The following PDE1C variants were observed in gnomAD, a reference collection of about 807,000 sequenced individuals.
PDE1C encodes the protein dual specificity calcium/calmodulin-dependent 3',5'-cyclic nucleotide phosphodiesterase 1C.
A neutral mutation model predicts 93.1 loss-of-function variants in PDE1C; 62 were observed. The observed-to-expected ratio is 0.67, with a 90% CI of 0.54 to 0.82. PDE1C has a LOEUF of 0.82. PDE1C is among the 40% of genes least tolerant of loss of function. The pLI is 0.00. For synonymous variants in PDE1C, 325 were observed against 310.1 expected, an observed-to-expected ratio of 1.05 and a Z score of -0.50; for missense variants, 742 against 884.6, an observed-to-expected ratio of 0.84 and a Z score of 2.04.
the PDE1C span, chr7:31,656,587 T>A: frequency 1.7e-6 from 1 of 587,642 alleles, no homozygotes; most frequent in Non-Finnish European, 2.1e-6. Flanking sequence ...GATGAATGAA[T>A]GAGATGAGGA....
At chr7:32,278,024 G>A (rs1237300927) in intron 1 of PDE1C, among the ~76,000 whole-genome samples, 5 of 150,884 alleles carry the variant, frequency 3.3e-5, no homozygotes, top group African/African-American at 1.2e-4. Flanking sequence ...ACTGGGAGCA[G>A]TGCATACCAA....
chr7:32,366,410 A>T (rs78534662), intron 1 of PDE1C, among the ~76,000 whole-genome samples: 8,269 of 152,278 alleles, frequency 0.054, 262 homozygotes, highest in Non-Finnish European at 0.073. Context: ...AAGAAAGCCT[A>T]CGAGATTTAT....
intron 3 of PDE1C, among the ~76,000 whole-genome samples, chr7:32,099,404 T>C (rs1005872243): frequency 6.6e-6 from 1 of 152,246 alleles, no homozygotes; most frequent in Non-Finnish European, 1.5e-5. Flanking sequence ...CTCAAAGCAC[T>C]GTCTTCACCT....
At chr7:31,772,171 T>C (rs1795534121) in intron 17 of PDE1C, among the ~76,000 whole-genome samples, 1 of 152,216 alleles carries the variant, frequency 6.6e-6, no homozygotes, top group Non-Finnish European at 1.5e-5. Flanking sequence ...AATGGCACTT[T>C]ATGACTAATG....
chr7:31,835,722 A>G (rs901103473), intron 11 of PDE1C, among the ~76,000 whole-genome samples: 2 of 152,122 alleles, frequency 1.3e-5, no homozygotes, highest in African/African-American at 2.4e-5. Flanking sequence ...CAATTTGATT[A>G]GACTCAGGCC....
chr7:32,166,078 G>C (rs548341777), intron 3 of PDE1C, among the ~76,000 whole-genome samples: 285 of 151,754 alleles, frequency 1.9e-3, no homozygotes, highest in South Asian at 0.011. Flanking sequence ...ATTATGTGAA[G>C]CGGTGGATAT....
intron 2 of PDE1C, among the ~76,000 whole-genome samples, chr7:31,965,422 G>T (rs1051410778): frequency 6.6e-6 from 1 of 152,172 alleles, no homozygotes; most frequent in East Asian, 1.9e-4. Flanking sequence ...AGAACAAAAA[G>T]AAACAAACAA....
At chr7:31,787,898 G>T (rs937075926) in intron 16 of PDE1C, 58 of 152,258 alleles carry the variant, frequency 3.8e-4, no homozygotes, top group African/African-American at 1.4e-3. Flanking sequence ...ATAGCATTTT[G>T]TATTTTTAAT....
chr7:31,623,875 T>A, the PDE1C span, among the ~76,000 whole-genome samples: 828 of 152,158 alleles, frequency 5.4e-3, 10 homozygotes, highest in African/African-American at 0.019. Context: ...GAAAACCCCA[T>A]TGTCTCAGCC....
chr7:32,311,990 G>A (rs1197176457), intron 1 of PDE1C, among the ~76,000 whole-genome samples: 1 of 150,200 alleles, frequency 6.7e-6, no homozygotes, highest in African/African-American at 2.4e-5. Flanking sequence ...TGACATGATT[G>A]TATATCTAGA....
At chr7:32,251,300 T>C (rs1445684972) in intron 1 of PDE1C, among the ~76,000 whole-genome samples, 1 of 152,160 alleles carries the variant, frequency 6.6e-6, no homozygotes, top group Non-Finnish European at 1.5e-5. Context: ...CCCACCCTAC[T>C]TTGACCTGCA....
intron 2 of PDE1C, among the ~76,000 whole-genome samples, chr7:31,913,745 C>G (rs1284738142): frequency 6.6e-6 from 1 of 152,182 alleles, no homozygotes; most frequent in African/African-American, 2.4e-5. Flanking sequence ...CAAGTGCAAA[C>G]TTATATTTGT....
At chr7:31,818,524 A>T (rs1425649512) in intron 14 of PDE1C, among the ~76,000 whole-genome samples, 3 of 152,210 alleles carry the variant, frequency 2.0e-5, no homozygotes, top group Non-Finnish European at 4.4e-5. Context: ...CCTATATGCA[A>T]GTGTAACCTT....
Position 31,874,826 on chromosome 7 carries a change from C to T in PDE1C, c.493-1418G>A, listed in dbSNP as rs564121342. Among the ~76,000 whole-genome samples, 15 of 152,344 alleles carry T rather than the reference C, an allele frequency of 9.8e-5. No individual in the cohort carries two copies. The South Asian group carries it at 2.7e-3, about 27-fold the overall frequency. ...GCTAGGCACAGTGTGAGTGTTTACACGCATTTGCAAAACCTCGCAAGTCTA... is the reference window on the plus strand; with the variant it reads ...GCTAGGCACAGTGTGAGTGTTTACATGCATTTGCAAAACCTCGCAAGTCTA... On this transcript the variant is annotated intron_variant, in intron 5 of 17. Transcript: ENST00000396191.
At chr7:31,988,614 G>A (rs1401429301) in intron 2 of PDE1C, among the ~76,000 whole-genome samples, 3 of 152,104 alleles carry the variant, frequency 2.0e-5, no homozygotes, top group African/African-American at 7.2e-5. Flanking sequence ...CCAGCTACTT[G>A]GGAGACTGAA....
At chr7:32,170,656 G>C (rs1377189964) in intron 2 of PDE1C, among the ~76,000 whole-genome samples, 1 of 152,062 alleles carries the variant, frequency 6.6e-6, no homozygotes, top group Non-Finnish European at 1.5e-5. Context: ...CAAACTTCAT[G>C]CTGTAACATC....
intron 1 of PDE1C, among the ~76,000 whole-genome samples, chr7:32,279,787 G>C (rs562181265): frequency 6.6e-6 from 1 of 151,400 alleles, no homozygotes; most frequent in Admixed American, 6.6e-5. Context: ...CTATAAACTC[G>C]GGTCAAAAAA....
At chr7:31,735,451 G>A in the PDE1C span, among the ~76,000 whole-genome samples, 1 of 150,054 alleles carries the variant, frequency 6.7e-6, no homozygotes, top group Non-Finnish European at 1.5e-5. Flanking sequence ...TGTCATGAGG[G>A]CAGTATAAGC....
chr7:31,685,472 C>CA, the PDE1C span, among the ~76,000 whole-genome samples: 2 of 152,134 alleles, frequency 1.3e-5, no homozygotes, highest in African/African-American at 4.8e-5. Flanking sequence ...TCTATTACCT[C>CA]AAAACAGTTT....
Sources: allele counts gnomAD v4.1 joint callset (sites outside exome capture counted in the v4.1 genomes callset), GRCh38; gene constraint gnomAD v4.1.1; transcripts MANE v1.5; gene names NCBI Gene and HGNC (gene_info 2026-07-23, HGNC 2026-07-21).